Variants in BACH1 observed in about 807,000 individuals in gnomAD.
BACH1 encodes the protein BTB domain and CNC homolog 1.
Under a neutral mutation model 52.9 loss-of-function variants are expected in BACH1, and 35 were observed. The observed-to-expected ratio is 0.66, with a 90% confidence interval of 0.51 to 0.88. The LOEUF (loss-of-function observed/expected upper bound fraction) is 0.88, where lower values mean the gene tolerates loss of function less well. BACH1 is among the 40% of genes least tolerant of loss of function. The pLI, the probability that BACH1 is intolerant of heterozygous loss-of-function variation, is 0.00. For synonymous variants in BACH1, 321 were observed against 319.6 expected, an observed-to-expected ratio of 1.00 and a Z score of -0.05; for missense variants, 808 against 872.6, an observed-to-expected ratio of 0.93 and a Z score of 0.93.
rs35766001 is a variant in BACH1, at chr21:29,327,236, G to C, written c.1412G>C (p.Gly471Ala). 24,667 of 1,614,170 alleles carry C rather than the reference G, an allele frequency of 0.015. 244 individuals are homozygous for C. The highest frequency in any genetic ancestry group is 0.018 in the Non-Finnish European group (20,920 of 1,180,040). The change falls in exon 3 of 5, where the codon GGC becomes GCC. Residue 471 changes from glycine to alanine, a missense_variant. Transcript: ENST00000286800. ...CPFISTLSTE[G>A]CSSNLEIGND... Reference sequence around the variant, plus strand: ...TTTATAAGTACTCTGAGTACTGAAGGCTGTTCAAGCAATTTGGAAATTGGA... The same window carrying C: ...TTTATAAGTACTCTGAGTACTGAAGCCTGTTCAAGCAATTTGGAAATTGGA...
At chr21:29,318,220 C>G (rs1333795565) in intron 1 of BACH1, among the ~76,000 whole-genome samples, 2 of 152,158 alleles carry the variant, frequency 1.3e-5, no homozygotes, top group Non-Finnish European at 2.9e-5. Context: ...GAAGGTTAAA[C>G]AGCATTTTTC....
At chr21:29,358,777 A>AGAAAGAAG (rs1204766724) in intron 2 of BACH1, among the ~76,000 whole-genome samples, 1 of 84,750 alleles carries the variant, frequency 1.2e-5, no homozygotes, top group East Asian at 3.5e-4. Context: ...AAGAAAAGAA[A>AGAAAGAAG]GAAAGAAAGA....
At position 29,321,083 on chromosome 21, in the gene BACH1, T is replaced by C. The variant is rs1476149916; in HGVS notation, c.-60-138T>C. On this transcript the variant is annotated intron_variant, in intron 1 of 4. Coordinates refer to ENST00000286800, the MANE Select transcript of BACH1 (RefSeq NM_001186.4). ...CCTATTTTAAATGAAGTATATTGAA[T>C]AAATGCCTCTAGGTTGTTCCTCTGG... The C allele has an allele frequency of 1.3e-5, 7 of 554,980 alleles. No homozygotes were observed. The East Asian group carries it at 2.1e-4, about 17-fold the overall frequency. The allele number at this position is 554,980 out of a possible 1,614,324, so 34.4% of individuals were successfully genotyped here. A position where few individuals can be genotyped will look rare whatever the true frequency, so the allele number is the denominator to read the frequency against.
In BACH1 at chr21:29,329,654, T is replaced by C; in HGVS notation, c.1737T>C (p.Leu579=). 1 of 1,589,970 alleles carries C rather than the reference T, an allele frequency of 6.3e-7. No homozygotes were observed. Among genetic ancestry groups the C allele is most frequent in the Non-Finnish European group, 8.5e-7 (1 of 1,169,974 alleles). ...CACAGCGCTGTCGCAAGAGAAAACT[T>C]GACTGTATACAGAATCTTGAATCAG... ...IAAQRCRKRK[L]DCIQNLESEI... Residue 579 remains leucine (L), a synonymous_variant, in exon 4 of 5, where the codon CTT becomes CTC. Transcript: ENST00000286800.
At chr21:29,301,412 CG>C (rs2088602496) in intron 1 of BACH1, among the ~76,000 whole-genome samples, 1 of 152,240 alleles carries the variant, frequency 6.6e-6, no homozygotes, top group African/African-American at 2.4e-5. Flanking sequence ...TTTCAACAAC[CG>C]GAATGCTTTT....
At chr21:29,352,542 G>T (rs146093221) in intron 2 of BACH1, 1 of 152,024 alleles carries the variant, frequency 6.6e-6, no homozygotes, top group Non-Finnish European at 1.5e-5. Context: ...TCAATTCACC[G>T]CATTGAATGC....
Position 29,344,670 on chromosome 21 carries a change from AT to A in BACH1, c.*1838del, listed in dbSNP as rs2089151134. The A allele has an allele frequency of 7.1e-6, 1 of 141,824 alleles. No homozygotes were observed. Among genetic ancestry groups the A allele is most frequent in the Non-Finnish European group, 1.6e-5 (1 of 64,352 alleles). The allele number at this position is 141,824 out of a possible 1,614,324, so 8.8% of individuals were successfully genotyped here. A position where few individuals can be genotyped will look rare whatever the true frequency, so the allele number is the denominator to read the frequency against. ...TGTGTGTGTGTGTGTGTGTGTGTGTATGTGTATGTATACATATATATCTCTC... is the reference window on the plus strand; with the variant it reads ...TGTGTGTGTGTGTGTGTGTGTGTGTAGTGTATGTATACATATATATCTCTC... On this transcript the variant is annotated 3_prime_UTR_variant, in exon 5 of 5. Coordinates refer to ENST00000286800, the MANE Select transcript of BACH1 (RefSeq NM_001186.4).
chr21:29,347,388 G>C (rs779042113), downstream of BACH1, among the ~76,000 whole-genome samples: 2 of 152,188 alleles, frequency 1.3e-5, no homozygotes, highest in African/African-American at 4.8e-5. Context: ...TAGACTTAAT[G>C]ACGCTAAAAA....
rs561123202 is a variant in BACH1 at position 29,312,700 on chromosome 21, A to G, written c.-60-8521A>G. Reference sequence around the variant, plus strand: ...AACTATAAACATTAAATGCTGAGGAATATAGCAAAAGCTTCACAAGCCCTC... The same window carrying G: ...AACTATAAACATTAAATGCTGAGGAGTATAGCAAAAGCTTCACAAGCCCTC... On this transcript the variant is annotated intron_variant, in intron 1 of 4. Transcript: ENST00000286800. Among the ~76,000 whole-genome samples the G allele has an allele frequency of 2.0e-5, 3 of 152,350 alleles. No homozygotes were observed. In the East Asian group the frequency reaches 5.8e-4, roughly 29 times the overall value.
downstream of BACH1, among the ~76,000 whole-genome samples, chr21:29,348,456 T>C (rs750121478): frequency 3.3e-5 from 5 of 150,836 alleles, no homozygotes; most frequent in Non-Finnish European, 7.4e-5. Context: ...AGAACCTCAA[T>C]AGTATCTGGA....
rs537208403 is a variant in BACH1, at chr21:29,319,612, A to G, written c.-60-1609A>G. Among the ~76,000 whole-genome samples, 21 of 151,118 alleles carry G rather than the reference A, an allele frequency of 1.4e-4. No individual in the cohort carries two copies. The South Asian group carries it at 4.4e-3, about 32-fold the overall frequency. On this transcript the variant is annotated intron_variant, in intron 1 of 4. Coordinates refer to ENST00000286800, the MANE Select transcript of BACH1 (RefSeq NM_001186.4). ...ATGACACCAGTCTGTGTATTTCTAC[A>G]GTGTTTTCTGGCAGTGCTGTGTTCA...
Position 29,342,698 on chromosome 21 carries a change from C to A in BACH1, c.2076C>A (p.Tyr692Ter). 2.5e-6 allele frequency: 4 copies of A among 1,614,192 alleles called. No homozygotes were observed. The highest frequency in any genetic ancestry group is 3.4e-6 in the Non-Finnish European group (4 of 1,180,048). The change falls in exon 5 of 5, where the codon TAC becomes TAA. Residue 692 changes from tyrosine to a stop codon, truncating the protein, a stop_gained. Transcript: ENST00000286800. LOFTEE classifies it low-confidence loss of function (END_TRUNC). ...PCARGNSEPG[Y>*]ARGQESQQMS... ...CCAGAGGAAACAGTGAGCCTGGCTA[C>A]GCGCGAGGGCAGGAGTCCCAGCAGA...
At chr21:29,334,272 A>G (rs946470248) in intron 4 of BACH1, among the ~76,000 whole-genome samples, 12 of 151,440 alleles carry the variant, frequency 7.9e-5, no homozygotes, top group African/African-American at 2.7e-4. Flanking sequence ...TAATTTTTTT[A>G]TATTTTTAGT....
intron 3 of BACH1, among the ~76,000 whole-genome samples, chr21:29,328,982 T>A (rs929755036): frequency 5.9e-5 from 9 of 152,186 alleles, no homozygotes; most frequent in Admixed American, 2.6e-4. Context: ...TTCCATATCA[T>A]GGCTATTGTG....
rs562547724 is a variant in BACH1, at chr21:29,307,160, A to G, written c.-61+8207A>G. ...GCTAGATGGGTCAGGATTCTTTAGA[A>G]TGCAAATTCTTGAATCAGGAGTACA... On this transcript the variant is annotated intron_variant, in intron 1 of 4. Coordinates refer to ENST00000286800, the MANE Select transcript of BACH1 (RefSeq NM_001186.4). Among the ~76,000 whole-genome samples the G allele has an allele frequency of 9.2e-5, 14 of 152,338 alleles. No individual in the cohort carries two copies. The South Asian group carries it at 2.7e-3, about 29-fold the overall frequency.
At chr21:29,299,770 G>A (rs996277667) in intron 1 of BACH1, 3 of 152,210 alleles carry the variant, frequency 2.0e-5, no homozygotes, top group Admixed American at 6.5e-5. Context: ...TCCAGGTAAA[G>A]TGTAGTAGTA....
chr21:29,342,964 T>G lies in BACH1; in HGVS notation c.*131T>G. 1 of 875,934 alleles carries G rather than the reference T, an allele frequency of 1.1e-6. No individual in the cohort carries two copies. 54.3% of individuals were successfully genotyped at this position (875,934 alleles called of 1,614,324 possible). ...TTTAGTAGTTTACCATAAGGGAATT[T>G]CCTTTAAGTCAACCATGATTTCTCC... On this transcript the variant is annotated 3_prime_UTR_variant, in exon 5 of 5. Transcript: ENST00000286800.
chr21:29,299,241 C>T lies in BACH1; in HGVS notation c.-61+288C>T, dbSNP rs1478240074. ...TTACCCGCGCGCGCCGTACTTTACCCGGGGCGGGCGGGGGCTGGGGGCCGC... is the reference window on the plus strand; with the variant it reads ...TTACCCGCGCGCGCCGTACTTTACCTGGGGCGGGCGGGGGCTGGGGGCCGC... On this transcript the variant is annotated intron_variant, in intron 1 of 4. Coordinates refer to ENST00000286800, the MANE Select transcript of BACH1 (RefSeq NM_001186.4). Among the ~76,000 whole-genome samples the T allele has an allele frequency of 6.0e-5, 9 of 150,924 alleles. No homozygotes were observed. The East Asian group carries it at 1.8e-3, about 30-fold the overall frequency.
downstream of BACH1, among the ~76,000 whole-genome samples, chr21:29,348,987 A>G (rs1027576316): frequency 2.6e-5 from 4 of 151,926 alleles, no homozygotes; most frequent in Non-Finnish European, 5.9e-5. Context: ...CCAGCTACTC[A>G]GGAGACTGAG....
Sources: gnomAD v4.1 joint callset for allele counts (sites outside exome capture counted in the v4.1 genomes callset) on GRCh38, gnomAD v4.1.1 for gene constraint, MANE v1.5 for transcripts, NCBI Gene and HGNC (gene_info 2026-07-23, HGNC 2026-07-21) for gene names.